MX2: variants seen among roughly 807,000 people sequenced by gnomAD.
MX2 encodes the protein interferon-induced GTP-binding protein Mx2.
A neutral mutation model predicts 74.0 loss-of-function variants in MX2; 51 were observed. The ratio of observed to expected loss-of-function variants is 0.69; its 90% CI spans 0.55 to 0.87. MX2 has a LOEUF of 0.87. MX2 is among the 40% of genes least tolerant of loss of function. The pLI is 0.00. For synonymous variants in MX2, 369 were observed against 339.3 expected (o/e 1.09, Z -0.96); for missense variants, 832 against 908.7 (o/e 0.92, Z 1.09).
Position 41,368,755 on chromosome 21 carries a change from G to A in MX2, c.-72+6700G>A, listed in dbSNP as rs2089290116. On this transcript the variant is annotated intron_variant, in intron 1 of 13. Coordinates refer to ENST00000330714, the MANE Select transcript of MX2 (RefSeq NM_002463.2). This position sits in a 1 kb window ranked among gnomAD's most constrained non-coding sequence, Gnocchi z 4.6. ...CTTTCCCTTGTTCTTTCTTCCCATG[G>A]AGAGGAAGAAGTTGAGGCTGAGTTA... is the stretch of plus-strand genomic sequence containing the variant. 6.6e-6 allele frequency among the ~76,000 whole-genome samples: 1 copy of A among 152,228 alleles called. No individual in the cohort carries two copies.
intron 1 of MX2, among the ~76,000 whole-genome samples, chr21:41,367,953 C>T (rs1162475348): frequency 1.3e-5 from 2 of 152,192 alleles, no homozygotes; most frequent in African/African-American, 4.8e-5. Context: ...TGACAGCCAC[C>T]TTGTCTTCTC....
chr21:41,403,929 C>T (rs1222747077), intron 12 of MX2: 1 of 256,350 alleles, frequency 3.9e-6, no homozygotes, highest in Non-Finnish European at 7.9e-6. Flanking sequence ...TTTCTTCTTT[C>T]ACCCTTTTTG....
intron 10 of MX2, chr21:41,401,645 A>G (rs192818923): frequency 3.4e-5 from 6 of 178,050 alleles, no homozygotes; most frequent in Admixed American, 1.2e-4. Context: ...CAAAGTGATG[A>G]TATTACAGGT....
intron 5 of MX2, among the ~76,000 whole-genome samples, chr21:41,382,884 T>C (rs2089516837): frequency 6.6e-6 from 1 of 152,246 alleles, no homozygotes; most frequent in Non-Finnish European, 1.5e-5. Context: ...GAAATTTGGA[T>C]TTTTACATGA....
In MX2 at chr21:41,408,006, C is replaced by G. The variant is rs772126795; in HGVS notation, c.1921C>G (p.Leu641Val). Residue 641 changes from leucine to valine, a missense_variant, in exon 14 of 14, where the codon CTC becomes GTC. Transcript: ENST00000330714. ...NAYFLETSKRLANQIPFIIQY... is the reference protein window; with the variant it reads ...NAYFLETSKRVANQIPFIIQY... ...CCTCTTCCAGGAAACCAGCAAACGTCTCGCCAACCAGATCCCATTTATAAT... is the reference window on the plus strand; with the variant it reads ...CCTCTTCCAGGAAACCAGCAAACGTGTCGCCAACCAGATCCCATTTATAAT... 1.9e-6 allele frequency: 3 copies of G among 1,614,188 alleles called. No individual in the cohort carries two copies. The highest frequency in any genetic ancestry group is 2.2e-5 in the East Asian group (1 of 44,878).
intron 2 of MX2, 151 bp from the exon 3 acceptor site, chr21:41,377,638 C>T (rs1319708071): frequency 1.3e-6 from 1 of 781,010 alleles, no homozygotes; most frequent in Non-Finnish European, 2.0e-6. Context: ...AGAAGGGCCC[C>T]TGAAAGCAGC....
At chr21:41,391,118 C>T (rs865838148) in intron 6 of MX2, among the ~76,000 whole-genome samples, 2 of 151,966 alleles carry the variant, frequency 1.3e-5, no homozygotes, top group Non-Finnish European at 2.9e-5. Context: ...GTGTGTCCTG[C>T]GCTGAATACA....
intron 5 of MX2, 146 bp downstream of exon 5, chr21:41,382,710 A>G (rs901133642): frequency 1.9e-6 from 2 of 1,076,718 alleles, no homozygotes; most frequent in African/African-American, 3.2e-5. Flanking sequence ...TGGGGGCCTC[A>G]TGCCCAGGTT....
rs150127593 is a variant in MX2 at position 41,382,556 on chromosome 21, G to A, written c.724G>A (p.Gly242Arg). The change falls in exon 5 of 14, where the codon GGA becomes AGA. Residue 242 changes from glycine to arginine, a missense_variant. Gly to Arg is a moderately radical substitution (Grantham distance 125). Coordinates refer to ENST00000330714, the MANE Select transcript of MX2 (RefSeq NM_002463.2). ...TGTGGACAACCAGCCCCGAGACATC[G>A]GACTGCAGGTGAGCCCTTCTGGAAT... is the stretch of plus-strand genomic sequence containing the variant. Reference protein sequence around the residue: ...VAVDNQPRDIGLQIKALIKKY... With the variant: ...VAVDNQPRDIRLQIKALIKKY... 3.0e-4 allele frequency: 477 copies of A among 1,614,028 alleles called. No individual in the cohort carries two copies. The highest frequency in any genetic ancestry group is 3.7e-4 in the Non-Finnish European group (438 of 1,180,038).
intron 8 of MX2, 54 bp from the exon 9 acceptor site, chr21:41,398,843 C>A: frequency 1.9e-6 from 3 of 1,587,180 alleles, no homozygotes; most frequent in South Asian, 1.1e-5. Context: ...CCAAAGAAAT[C>A]AGTTGGCCAA....
chr21:41,399,384 A>G (rs775763704), intron 10 of MX2, 47 bp downstream of exon 10: 1 of 1,584,766 alleles, frequency 6.3e-7, no homozygotes, highest in South Asian at 1.1e-5. Flanking sequence ...GTATTTACCC[A>G]GACCAGAGGC....
rs140729077 is a variant in MX2 at position 41,409,056 on chromosome 21, C to A, written c.*823C>A. ...ACTGGGCAACACAGGGAGACCCTGT[C>A]TCTAAAAAAATTTGTTTGTAAGTAG... On this transcript the variant is annotated 3_prime_UTR_variant, in exon 14 of 14. Transcript: ENST00000330714. 2.6e-5 allele frequency: 4 copies of A among 152,246 alleles called. No homozygotes were observed. The East Asian group carries it at 7.7e-4, about 29-fold the overall frequency. 9.4% of individuals were successfully genotyped at this position (152,246 alleles called of 1,614,324 possible). A position where few individuals can be genotyped will look rare whatever the true frequency, so the allele number is the denominator to read the frequency against.
Position 41,380,265 on chromosome 21 carries a change from T to C in MX2, c.577+114T>C, listed in dbSNP as rs2089471153. The C allele has an allele frequency of 7.0e-7, 1 of 1,434,020 alleles. No homozygotes were observed. Among genetic ancestry groups the C allele is most frequent in the Non-Finnish European group, 9.5e-7 (1 of 1,055,542 alleles). The allele number at this position is 1,434,020 out of a possible 1,614,324, so 88.8% of individuals were successfully genotyped here. ...AGTGACCACTCAGCTCCTAGCCCCA[T>C]GTGCTCCCACATGGGGCTGAACCCA... On this transcript the variant is annotated intron_variant, in intron 4 of 13. Coordinates refer to ENST00000330714, the MANE Select transcript of MX2 (RefSeq NM_002463.2). The surrounding 1 kb of genome is among the most constrained non-coding windows in gnomAD (Gnocchi z 4.3).
rs144484271 is a variant in MX2, at chr21:41,398,675, C to A, written c.1150-222C>A. Among the ~76,000 whole-genome samples, 64 of 152,284 alleles carry A rather than the reference C, an allele frequency of 4.2e-4. No individual in the cohort carries two copies. The East Asian group carries it at 0.01, about 24-fold the overall frequency. On this transcript the variant is annotated intron_variant, in intron 8 of 13. Coordinates refer to ENST00000330714, the MANE Select transcript of MX2 (RefSeq NM_002463.2). ...TTTGAAGGAGCCAGTGGTTCTCCAA[C>A]TTTAAGGCACACAAGAATTACCTGG...
intron 10 of MX2, among the ~76,000 whole-genome samples, chr21:41,400,104 C>G (rs1402737813): frequency 6.6e-6 from 1 of 152,092 alleles, no homozygotes; most frequent in Non-Finnish European, 1.5e-5. Flanking sequence ...AGGCACGGAG[C>G]CTTCATTAGT....
At chr21:41,382,330 C>G in intron 4 of MX2, 80 bp from the exon 5 acceptor site, 2 of 1,495,666 alleles carry the variant, frequency 1.3e-6, no homozygotes, top group South Asian at 1.3e-5. Flanking sequence ...TGGAAAGGAG[C>G]AGTCATTACC....
intron 12 of MX2, chr21:41,403,787 G>A: frequency 2.5e-6 from 1 of 395,350 alleles, no homozygotes; most frequent in Non-Finnish European, 5.2e-6. Context: ...AGGCAAGAGA[G>A]GGCATGTGGC....
chr21:41,378,992 G>A (rs1431577135), intron 3 of MX2, among the ~76,000 whole-genome samples: 1 of 152,222 alleles, frequency 6.6e-6, no homozygotes, highest in African/African-American at 2.4e-5. Context: ...GGGGCTGCTG[G>A]AGGGCTGCCC....
At chr21:41,376,410 G>A (rs1222105883) in intron 1 of MX2, among the ~76,000 whole-genome samples, 1 of 152,210 alleles carries the variant, frequency 6.6e-6, no homozygotes, top group African/African-American at 2.4e-5. Flanking sequence ...GCTGGGCATG[G>A]TGGTGCATGC....
Sources: gnomAD v4.1 joint callset for allele counts (sites outside exome capture counted in the v4.1 genomes callset) on GRCh38, gnomAD v4.1.1 for gene constraint, Gnocchi (gnomAD v3.1) non-coding constraint, MANE v1.5 for transcripts, NCBI Gene and HGNC (gene_info 2026-07-23, HGNC 2026-07-21) for gene names.